The following EBPL variants were observed in gnomAD, a reference collection of about 807,000 sequenced individuals.
EBPL encodes the protein emopamil-binding protein-like.
A neutral mutation model predicts 19.0 loss-of-function variants in EBPL; 20 were observed. The ratio of observed to expected loss-of-function variants is 1.05; its 90% confidence interval spans 0.74 to 1.53. The LOEUF is 1.53. Among genes scored for constraint, EBPL ranks in the 40% most tolerant of loss-of-function variants. The pLI is 0.00. For synonymous variants in EBPL, 107 were observed against 117.0 expected (o/e 0.91, Z 0.55); for missense variants, 219 against 261.1 (o/e 0.84, Z 1.11).
At chr13:49,661,765 T>C in intron 3 of EBPL, 1 of 1,488,262 alleles carries the variant, frequency 6.7e-7, no homozygotes, top group Admixed American at 2.4e-5. Flanking sequence ...AAAATTTAAT[T>C]TTTATTGCCA....
chr13:49,679,006 T>A (rs868132675), intron 1 of EBPL, among the ~76,000 whole-genome samples: 25 of 95,184 alleles, frequency 2.6e-4, no homozygotes, highest in Admixed American at 3.5e-4. Context: ...AGACTCCGTC[T>A]AAAAAAAAAA....
intron 1 of EBPL, among the ~76,000 whole-genome samples, chr13:49,685,402 C>T (rs971942053): frequency 1.3e-5 from 2 of 152,216 alleles, no homozygotes; most frequent in African/African-American, 4.8e-5. Flanking sequence ...TCCCCAAAAG[C>T]GTAATAAAGT....
chr13:49,681,012 A>G (rs1953937372), intron 1 of EBPL, among the ~76,000 whole-genome samples: 1 of 152,206 alleles, frequency 6.6e-6, no homozygotes, highest in South Asian at 2.1e-4. Flanking sequence ...GTTTATATTA[A>G]TAAGCAGTTA....
chr13:49,677,132 G>A (rs556726839), intron 1 of EBPL, among the ~76,000 whole-genome samples: 79 of 152,272 alleles, frequency 5.2e-4, no homozygotes, highest in Admixed American at 2.7e-3. Context: ...TGAGGACACT[G>A]CCCTTGTGTT....
chr13:49,684,673 CA>C (rs1241522049), intron 1 of EBPL, among the ~76,000 whole-genome samples: 2 of 151,972 alleles, frequency 1.3e-5, no homozygotes, highest in African/African-American at 4.8e-5. Context: ...GAGACTGTCT[CA>C]AAAAATAAAA....
intron 1 of EBPL, among the ~76,000 whole-genome samples, chr13:49,672,962 A>G (rs1195146164): frequency 6.6e-6 from 1 of 152,194 alleles, no homozygotes; most frequent in Non-Finnish European, 1.5e-5. Flanking sequence ...TAGGAGGCTG[A>G]GGCAGGAGAA....
chr13:49,670,090 G>A (rs534161320), intron 1 of EBPL, among the ~76,000 whole-genome samples: 3 of 152,332 alleles, frequency 2.0e-5, no homozygotes, highest in African/African-American at 4.8e-5. Flanking sequence ...GATTGGCACT[G>A]TAAAAGCAGA....
intron 2 of EBPL, among the ~76,000 whole-genome samples, chr13:49,664,124 T>TGC (rs1965191571): frequency 6.6e-6 from 1 of 151,724 alleles, no homozygotes; most frequent in African/African-American, 2.4e-5. Context: ...TGGTGGCGCA[T>TGC]GCCTGTAATC....
chr13:49,671,513 C>G (rs1953816248), intron 1 of EBPL, among the ~76,000 whole-genome samples: 2 of 152,164 alleles, frequency 1.3e-5, no homozygotes, highest in African/African-American at 4.8e-5. Flanking sequence ...CAAATAAGTA[C>G]TCCCCAGTCC....
Position 49,691,251 on chromosome 13 carries a change from TACCAGCGCGAAGTGC to T in EBPL, c.159_171+2del, listed in dbSNP as rs1233278375. On this transcript the variant is annotated splice_donor_variant and coding_sequence_variant, in exon 1 of 4. Transcript: ENST00000242827. LOFTEE classifies it high-confidence loss of function. Reference sequence around the variant, plus strand: ...AGTGCAGGGTCTAGGCGATGGCACTTACCAGCGCGAAGTGCACCAGCGCGTCGTAGCAGAGCCAGA... The same window carrying T: ...AGTGCAGGGTCTAGGCGATGGCACTTACCAGCGCGTCGTAGCAGAGCCAGA... 6 of 1,384,510 alleles carry T rather than the reference TACCAGCGCGAAGTGC, an allele frequency of 4.3e-6. No individual in the cohort carries two copies. Among genetic ancestry groups the T allele is most frequent in the East Asian group, 5.7e-5 (2 of 34,976 alleles). The allele number at this position is 1,384,510 out of a possible 1,614,324, so 85.8% of individuals were successfully genotyped here. A position where few individuals can be genotyped will look rare whatever the true frequency, so the allele number is the denominator to read the frequency against.
intron 1 of EBPL, among the ~76,000 whole-genome samples, chr13:49,673,079 G>T (rs919421713): frequency 2.0e-5 from 3 of 151,788 alleles, no homozygotes; most frequent in African/African-American, 7.3e-5. Context: ...AAAAGGAAAG[G>T]AAAGGAAAAG....
chr13:49,676,605 T>TA (rs766817313), intron 1 of EBPL, among the ~76,000 whole-genome samples: 86 of 25,004 alleles, frequency 3.4e-3, no homozygotes, highest in African/African-American at 5.3e-3. Context: ...AAAAATAAAA[T>TA]AAATAAATAA....
intron 2 of EBPL, among the ~76,000 whole-genome samples, chr13:49,665,579 G>T (rs1965213992): frequency 6.6e-6 from 1 of 152,132 alleles, no homozygotes; most frequent in Admixed American, 6.6e-5. Flanking sequence ...CCTAATTTTT[G>T]TATTTTTGGT....
intron 1 of EBPL, among the ~76,000 whole-genome samples, chr13:49,678,618 C>T (rs893506233): frequency 4.6e-5 from 7 of 152,156 alleles, no homozygotes; most frequent in Admixed American, 6.5e-5. Flanking sequence ...CAGAACTCTG[C>T]CCGGGAGCGC....
intron 1 of EBPL, among the ~76,000 whole-genome samples, chr13:49,690,472 A>AGTGT (rs371591969): frequency 1.6e-5 from 2 of 121,696 alleles, no homozygotes; most frequent in Non-Finnish European, 3.7e-5. Flanking sequence ...AAAACTTAAA[A>AGTGT]GTGTGTGTGT....
chr13:49,691,453 G>A lies in EBPL; in HGVS notation c.-29C>T, dbSNP rs910145308. On this transcript the variant is annotated 5_prime_UTR_variant, in exon 1 of 4. Transcript: ENST00000242827. ...TCAGGCTTCCGACGCCAACGGCCCAGGACCATGCGGCAGAGGAAAGCAGGG... is the reference window on the plus strand; with the variant it reads ...TCAGGCTTCCGACGCCAACGGCCCAAGACCATGCGGCAGAGGAAAGCAGGG... The A allele has an allele frequency of 4.6e-6, 6 of 1,309,164 alleles. No homozygotes were observed. Among genetic ancestry groups the A allele is most frequent in the Non-Finnish European group, 5.8e-6 (6 of 1,028,246 alleles). The allele number at this position is 1,309,164 out of a possible 1,614,324, so 81.1% of individuals were successfully genotyped here. A position where few individuals can be genotyped will look rare whatever the true frequency, so the allele number is the denominator to read the frequency against.
intron 1 of EBPL, among the ~76,000 whole-genome samples, chr13:49,686,098 A>G (rs952056891): frequency 1.3e-5 from 2 of 152,208 alleles, no homozygotes; most frequent in Non-Finnish European, 1.5e-5. Flanking sequence ...CCTGCAGGAC[A>G]AGGCTAATCA....
At chr13:49,669,925 T>C in intron 1 of EBPL, 79 bp from the exon 2 acceptor site, 1 of 1,117,098 alleles carries the variant, frequency 9.0e-7, no homozygotes, top group Non-Finnish European at 1.4e-6. Flanking sequence ...TGGCATTGCC[T>C]GGCTCCATCC....
chr13:49,674,907 C>G lies in EBPL; in HGVS notation c.172-5061G>C, dbSNP rs116290148. On this transcript the variant is annotated intron_variant, in intron 1 of 3. Transcript: ENST00000242827. The stretch of plus-strand genomic sequence containing the variant: ...TTAACAATGTGTGCAACCATCGCCA[C>G]CATCCATTTCCAGAACTCTTCATCT... Among the ~76,000 whole-genome samples, 502 of 152,300 alleles carry G rather than the reference C, an allele frequency of 3.3e-3. 1 individual carries two copies. The highest frequency in any genetic ancestry group is 0.011 in the African/African-American group (476 of 41,566).
Sources: gnomAD v4.1 joint callset for allele counts (sites outside exome capture counted in the v4.1 genomes callset) on GRCh38, gnomAD v4.1.1 for gene constraint, MANE v1.5 for transcripts, NCBI Gene and HGNC (gene_info 2026-07-23, HGNC 2026-07-21) for gene names.